Variants in GREM1 observed in about 807,000 individuals in gnomAD.
The protein encoded by GREM1 is gremlin-1.
In GREM1, 6 loss-of-function variants were observed where a neutral mutation model predicts 13.1. That is an observed-to-expected ratio of 0.46 (90% CI 0.25 to 0.91). The LOEUF (loss-of-function observed/expected upper bound fraction) is 0.91. Among genes scored for constraint, GREM1 ranks in the 40% least tolerant of loss-of-function variants. GREM1 has a pLI of 0.18. For synonymous variants in GREM1, 98 were observed against 93.7 expected (o/e 1.05, Z -0.27); for missense variants, 185 against 233.9 (o/e 0.79, Z 1.36).
chr15:32,720,083 GTGTGTGTGTGTC>G (rs1403606638), intron 1 of GREM1, among the ~76,000 whole-genome samples: 1 of 152,124 alleles, frequency 6.6e-6, no homozygotes, highest in Admixed American at 6.5e-5. Context: ...GTGTGCGTGT[GTGTGTGTGTGTC>G]TGTGTGTGTG....
rs2140770399 is a variant in GREM1, at chr15:32,741,626, A to G, written c.*10381A>G. On this transcript the variant is annotated 3_prime_UTR_variant, in exon 2 of 2. Transcript: ENST00000651154. ...ATTATGTCATCTGCAAACAGCAACA[A>G]TTTTACCCTTTGTTTTCAACGTGAG... The G allele has an allele frequency of 6.6e-6, 1 of 152,136 alleles. No individual in the cohort carries two copies. Among genetic ancestry groups the G allele is most frequent in the African/African-American group, 2.4e-5 (1 of 41,526 alleles). The allele number at this position is 152,136 out of a possible 1,614,324, so 9.4% of individuals were successfully genotyped here. A position where few individuals can be genotyped will look rare whatever the true frequency, so the allele number is the denominator to read the frequency against.
rs1440805036 is a variant in GREM1, at chr15:32,738,349, T to C, written c.*7104T>C. On this transcript the variant is annotated 3_prime_UTR_variant, in exon 2 of 2. Coordinates refer to ENST00000651154, the MANE Select transcript of GREM1 (RefSeq NM_013372.7). ...AAATCTGAAAATAAAATTAAGAAAATAGCACCCTTTGAATAGTATCAAAAA... is the reference window on the plus strand; with the variant it reads ...AAATCTGAAAATAAAATTAAGAAAACAGCACCCTTTGAATAGTATCAAAAA... 1.3e-5 allele frequency: 2 copies of C among 151,566 alleles called. No homozygotes were observed. The highest frequency in any genetic ancestry group is 2.9e-5 in the Non-Finnish European group (2 of 67,902). 9.4% of individuals were successfully genotyped at this position (151,566 alleles called of 1,614,324 possible). A position where few individuals can be genotyped will look rare whatever the true frequency, so the allele number is the denominator to read the frequency against.
chr15:32,719,543 C>T (rs923251039), intron 1 of GREM1, among the ~76,000 whole-genome samples: 1 of 152,172 alleles, frequency 6.6e-6, no homozygotes, highest in Non-Finnish European at 1.5e-5. Context: ...TTAAAATCCC[C>T]CTCTTAAACG....
At chr15:32,718,477 G>T (rs1021094596) in intron 1 of GREM1, 1 of 466,176 alleles carries the variant, frequency 2.1e-6, no homozygotes, top group Non-Finnish European at 4.3e-6. Context: ...TGGCAGCAGC[G>T]CCTGGCAGAC....
intron 1 of GREM1, among the ~76,000 whole-genome samples, chr15:32,721,339 A>G (rs746291181): frequency 3.0e-4 from 45 of 152,252 alleles, no homozygotes; most frequent in Non-Finnish European, 6.3e-4. Flanking sequence ...AGAAATCAGC[A>G]TAATGCCTGG....
intron 1 of GREM1, among the ~76,000 whole-genome samples, chr15:32,729,934 GCTA>G (rs1244168430): frequency 6.6e-6 from 1 of 152,154 alleles, no homozygotes; most frequent in African/African-American, 2.4e-5. Flanking sequence ...TCACCTACAC[GCTA>G]CTGTCTTTCA....
rs1402141774 is a variant in GREM1, at chr15:32,741,772, G to A, written c.*10527G>A. 1 of 152,062 alleles carries A rather than the reference G, an allele frequency of 6.6e-6. No homozygotes were observed. Among genetic ancestry groups the A allele is most frequent in the Non-Finnish European group, 1.5e-5 (1 of 67,978 alleles). The allele number at this position is 152,062 out of a possible 1,614,324, so 9.4% of individuals were successfully genotyped here. ...TCTGGTCTTAAAGAAAAACATTTCAGTTTTCCATTATTCGGTATAATGTTA... is the reference window on the plus strand; with the variant it reads ...TCTGGTCTTAAAGAAAAACATTTCAATTTTCCATTATTCGGTATAATGTTA... On this transcript the variant is annotated 3_prime_UTR_variant, in exon 2 of 2. Transcript: ENST00000651154.
chr15:32,720,203 G>A (rs537272338), intron 1 of GREM1, among the ~76,000 whole-genome samples: 5 of 152,256 alleles, frequency 3.3e-5, no homozygotes, highest in Admixed American at 2.6e-4. Flanking sequence ...TTAGTGAAAT[G>A]TTTTGGTAAC....
intron 1 of GREM1, 126 bp downstream of exon 1, chr15:32,718,287 G>T (rs1467582781): frequency 1.4e-6 from 1 of 704,346 alleles, no homozygotes; most frequent in Non-Finnish European, 2.3e-6. Flanking sequence ...TGCGTTGTTC[G>T]CGGGGGTGAA....
At chr15:32,724,520 C>A (rs773725281) in intron 1 of GREM1, among the ~76,000 whole-genome samples, 20 of 152,174 alleles carry the variant, frequency 1.3e-4, no homozygotes, top group Non-Finnish European at 2.6e-4. Flanking sequence ...CAAATTCACA[C>A]TATATTTTGA....
intron 1 of GREM1, chr15:32,718,699 C>A (rs2055346429): frequency 5.7e-6 from 2 of 351,646 alleles, no homozygotes; most frequent in South Asian, 4.2e-5. Flanking sequence ...TGCCGATCCC[C>A]GAGGTGAGAT....
chr15:32,733,816 G>A lies in GREM1; in HGVS notation c.*2571G>A, dbSNP rs185751333. 46 of 238,970 alleles carry A rather than the reference G, an allele frequency of 1.9e-4. No individual in the cohort carries two copies. The highest frequency in any genetic ancestry group is 2.8e-3 in the Middle Eastern group (2 of 726). The allele number at this position is 238,970 out of a possible 1,614,324, so 14.8% of individuals were successfully genotyped here. The stretch of plus-strand genomic sequence containing the variant: ...GCCAAACACCAAATATGAATTTTAT[G>A]ATGTACACTTTGTGCTTGGCATTAA... On this transcript the variant is annotated 3_prime_UTR_variant, in exon 2 of 2. Coordinates refer to ENST00000651154, the MANE Select transcript of GREM1 (RefSeq NM_013372.7).
At chr15:32,730,179 C>T (rs2055591124) in intron 1 of GREM1, among the ~76,000 whole-genome samples, 1 of 152,214 alleles carries the variant, frequency 6.6e-6, no homozygotes, top group Non-Finnish European at 1.5e-5. Context: ...GCCTTCTGGT[C>T]TCCATGAATC....
intron 1 of GREM1, among the ~76,000 whole-genome samples, chr15:32,724,474 G>A (rs1378559560): frequency 2.0e-5 from 3 of 152,110 alleles, no homozygotes; most frequent in Admixed American, 2.0e-4. Flanking sequence ...TTAGATCTTC[G>A]TCCAACTTGA....
chr15:32,730,006 T>C (rs1332579536), intron 1 of GREM1, among the ~76,000 whole-genome samples: 4 of 152,214 alleles, frequency 2.6e-5, no homozygotes, highest in African/African-American at 9.6e-5. Context: ...CACATTGACA[T>C]CGAGTTGGAT....
At position 32,737,031 on chromosome 15, in the gene GREM1, G is replaced by A. The variant is rs1472266226; in HGVS notation, c.*5786G>A. The A allele has an allele frequency of 6.6e-6, 1 of 152,116 alleles. No homozygotes were observed. Among genetic ancestry groups the A allele is most frequent in the African/African-American group, 2.4e-5 (1 of 41,408 alleles). 9.4% of individuals were successfully genotyped at this position (152,116 alleles called of 1,614,324 possible). On this transcript the variant is annotated 3_prime_UTR_variant, in exon 2 of 2. Coordinates refer to ENST00000651154, the MANE Select transcript of GREM1 (RefSeq NM_013372.7). ...GACATTTCATCTTGTTTATGCAGAT[G>A]TCCACCACACCTATAAATAAACAAA...
rs1467505239 is a variant in GREM1 at position 32,731,151 on chromosome 15, T to C, written c.461T>C (p.Val154Ala). Residue 154 changes from valine (V) to alanine (A), a missense_variant, in exon 2 of 2, where the codon GTC becomes GCC. Physicochemically the swap from Val to Ala is moderately conservative, Grantham distance 64 (BLOSUM62 0). Transcript: ENST00000651154. The stretch of plus-strand genomic sequence containing the variant: ...CCCAAGAAATTCACTACCATGATGG[T>C]CACACTCAACTGCCCTGAACTACAG... ...CKPKKFTTMM[V>A]TLNCPELQPP... 6.2e-7 allele frequency: 1 copy of C among 1,614,086 alleles called. No individual in the cohort carries two copies. The highest frequency in any genetic ancestry group is 2.2e-5 in the East Asian group (1 of 44,874).
intron 1 of GREM1, among the ~76,000 whole-genome samples, chr15:32,730,306 CAG>C (rs533941158): frequency 7.8e-4 from 119 of 152,332 alleles, no homozygotes; most frequent in Non-Finnish European, 1.5e-3. Context: ...GTCCTCTGAG[CAG>C]AGAGGTTAAT....
rs2055769149 is a variant in GREM1, at chr15:32,742,324, T to G, written c.*11079T>G. 1 of 152,062 alleles carries G rather than the reference T, an allele frequency of 6.6e-6. No individual in the cohort carries two copies. The highest frequency in any genetic ancestry group is 1.5e-5 in the Non-Finnish European group (1 of 67,966). The allele number at this position is 152,062 out of a possible 1,614,324, so 9.4% of individuals were successfully genotyped here. On this transcript the variant is annotated 3_prime_UTR_variant, in exon 2 of 2. Coordinates refer to ENST00000651154, the MANE Select transcript of GREM1 (RefSeq NM_013372.7). ...GTCCTGGGATTTTCTTTACTGGGAG[T>G]TTTTTGATTACTTGTTCAATCTTTA...
Sources: allele counts gnomAD v4.1 joint callset (sites outside exome capture counted in the v4.1 genomes callset), GRCh38; gene constraint gnomAD v4.1.1; transcripts MANE v1.5; gene names NCBI Gene and HGNC (gene_info 2026-07-23, HGNC 2026-07-21).